CTNNA3: variants seen among roughly 807,000 people sequenced by gnomAD.
The protein encoded by CTNNA3 is catenin alpha 3, also known as catenin alpha-3.
In CTNNA3, 76 loss-of-function variants were observed where a neutral mutation model predicts 95.7. The observed-to-expected ratio is 0.79, with a 90% confidence interval of 0.66 to 0.96. The LOEUF is 0.96. Ranked by LOEUF, CTNNA3 falls within the 40% of genes least tolerant of loss-of-function variation. The probability of loss-of-function intolerance (pLI) is 0.00; values close to 1 mark genes in which losing one functional copy is unlikely to be tolerated. For missense variants in CTNNA3, 1,191 were observed against 1,089.8 expected (o/e 1.09, Z -1.31); for synonymous variants, 431 against 374.4 (o/e 1.15, Z -1.74).
chr10:66,443,971 G>A (rs1252177836), intron 11 of CTNNA3, among the ~76,000 whole-genome samples: 3 of 152,124 alleles, frequency 2.0e-5, no homozygotes, highest in Admixed American at 6.5e-5. Context: ...ATGCAGAGAA[G>A]TCCTTAAAGG....
intron 11 of CTNNA3, 32 bp from the exon 12 acceptor site, chr10:66,379,384 G>C (rs12761828): frequency 3.9e-6 from 6 of 1,547,922 alleles, no homozygotes; most frequent in Admixed American, 3.4e-5. Context: ...TAGTTTTTGC[G>C]TGTGTCTGTG....
At chr10:67,186,416 G>C (rs1162587328) in intron 6 of CTNNA3, among the ~76,000 whole-genome samples, 1 of 152,146 alleles carries the variant, frequency 6.6e-6, no homozygotes, top group African/African-American at 2.4e-5. Context: ...TGACTTTTAA[G>C]ACTTCCGATT....
intron 7 of CTNNA3, among the ~76,000 whole-genome samples, chr10:66,785,847 T>C (rs778471166): frequency 6.6e-6 from 1 of 152,188 alleles, no homozygotes; most frequent in Non-Finnish European, 1.5e-5. Flanking sequence ...TTTGCCCCTT[T>C]GGATCCACTC....
At chr10:66,084,167 A>T (rs1176650793) in intron 14 of CTNNA3, among the ~76,000 whole-genome samples, 2 of 142,076 alleles carry the variant, frequency 1.4e-5, no homozygotes, top group Non-Finnish European at 3.2e-5. Flanking sequence ...AGAAAAAGAA[A>T]AAAAGAAAAG....
At chr10:66,618,871 A>AG (rs1589505930) in intron 10 of CTNNA3, among the ~76,000 whole-genome samples, 1 of 152,182 alleles carries the variant, frequency 6.6e-6, no homozygotes, top group African/African-American at 2.4e-5. Context: ...CAAGAAAAAA[A>AG]CAAACAACCC....
At chr10:66,297,417 T>C (rs1191342556) in intron 12 of CTNNA3, among the ~76,000 whole-genome samples, 12 of 152,082 alleles carry the variant, frequency 7.9e-5, no homozygotes, top group Admixed American at 7.2e-4. Context: ...TGAAAACTGG[T>C]TTAAGAATAC....
chr10:66,069,953 CATA>C (rs1403416784), intron 14 of CTNNA3, among the ~76,000 whole-genome samples: 8 of 151,966 alleles, frequency 5.3e-5, no homozygotes, highest in Non-Finnish European at 8.8e-5. Context: ...TCAACTTTAA[CATA>C]ATAAAGAAAA....
At chr10:67,166,822 T>A (rs1476472481) in intron 7 of CTNNA3, among the ~76,000 whole-genome samples, 1 of 152,170 alleles carries the variant, frequency 6.6e-6, no homozygotes, top group Non-Finnish European at 1.5e-5. Context: ...AGCAACAACT[T>A]CTGGCCGGGC....
intron 5 of CTNNA3, among the ~76,000 whole-genome samples, chr10:67,470,382 C>T (rs1348314124): frequency 2.0e-5 from 3 of 152,172 alleles, no homozygotes; most frequent in Admixed American, 2.0e-4. Context: ...CAAATCTTAG[C>T]TATTGTAAAC....
intron 11 of CTNNA3, among the ~76,000 whole-genome samples, chr10:66,420,889 T>C (rs1261859182): frequency 6.6e-6 from 1 of 151,914 alleles, no homozygotes; most frequent in Non-Finnish European, 1.5e-5. Flanking sequence ...AACTACAATA[T>C]GATCCAGCAA....
intron 1 of CTNNA3, among the ~76,000 whole-genome samples, chr10:67,680,522 A>G (rs1303716448): frequency 6.6e-6 from 1 of 152,182 alleles, no homozygotes; most frequent in African/African-American, 2.4e-5. Context: ...AAAAGCACCA[A>G]ACGGTAGAAA....
intron 7 of CTNNA3, among the ~76,000 whole-genome samples, chr10:66,902,836 TA>T (rs1187668367): frequency 6.6e-6 from 1 of 152,132 alleles, no homozygotes; most frequent in Non-Finnish European, 1.5e-5. Flanking sequence ...AGGAAGAAGT[TA>T]AATCTCTGAA....
intron 11 of CTNNA3, among the ~76,000 whole-genome samples, chr10:66,501,176 T>C (rs1263287628): frequency 6.6e-6 from 1 of 152,198 alleles, no homozygotes; most frequent in Non-Finnish European, 1.5e-5. Flanking sequence ...ATTATACATC[T>C]GTAATTACTA....
chr10:67,492,939 A>G (rs1352484711), intron 5 of CTNNA3, among the ~76,000 whole-genome samples: 1 of 152,208 alleles, frequency 6.6e-6, no homozygotes, highest in Non-Finnish European at 1.5e-5. Context: ...GAATCATAGA[A>G]AAAGAAAAGA....
chr10:66,341,423 C>T (rs1478683168), intron 12 of CTNNA3, among the ~76,000 whole-genome samples: 1 of 151,834 alleles, frequency 6.6e-6, no homozygotes, highest in African/African-American at 2.4e-5. Flanking sequence ...CAAATTATAA[C>T]ATCAGCAAAA....
intron 3 of CTNNA3, among the ~76,000 whole-genome samples, chr10:67,590,166 A>T (rs1842749686): frequency 1.3e-5 from 2 of 152,148 alleles, no homozygotes; most frequent in African/African-American, 4.8e-5. Context: ...AGCAAGTATC[A>T]TATACTACAT....
chr10:66,629,083 C>T (rs1015411610), intron 9 of CTNNA3, among the ~76,000 whole-genome samples: 2 of 152,050 alleles, frequency 1.3e-5, no homozygotes, highest in African/African-American at 4.8e-5. Flanking sequence ...ACTGTGATGT[C>T]ATGGAGACCA....
intron 7 of CTNNA3, among the ~76,000 whole-genome samples, chr10:67,073,489 G>GT (rs1259199092): frequency 6.6e-5 from 10 of 151,560 alleles, no homozygotes; most frequent in African/African-American, 2.4e-4. Context: ...ATCATCTTCA[G>GT]TAAAAACTCT....
chr10:67,418,627 T>C (rs1222050141), intron 5 of CTNNA3, among the ~76,000 whole-genome samples: 2 of 152,010 alleles, frequency 1.3e-5, no homozygotes, highest in Non-Finnish European at 2.9e-5. Flanking sequence ...ATCTGACATA[T>C]GTAGAATCTA....
Sources: allele counts gnomAD v4.1 joint callset (sites outside exome capture counted in the v4.1 genomes callset), GRCh38; gene constraint gnomAD v4.1.1; transcripts MANE v1.5; gene names NCBI Gene and HGNC (gene_info 2026-07-23, HGNC 2026-07-21).